TDRD12: variants seen among roughly 807,000 people sequenced by gnomAD.
TDRD12 encodes the protein putative ATP-dependent RNA helicase TDRD12.
A neutral mutation model predicts 133.5 loss-of-function variants in TDRD12; 158 were observed. That is an observed-to-expected ratio of 1.18 (90% CI 1.04 to 1.35). TDRD12 has a LOEUF of 1.35. Among genes scored for constraint, TDRD12 ranks in the 40% most tolerant of loss-of-function variants. TDRD12 has a pLI of 0.00. For missense variants in TDRD12, 1,443 were observed against 1,321.3 expected, an observed-to-expected ratio of 1.09 and a Z score of -1.43; for synonymous variants, 460 against 477.9, an observed-to-expected ratio of 0.96 and a Z score of 0.49.
exon 23 of TDRD12, chr19:32,810,196 T>C (rs1244249188): frequency 6.5e-7 from 1 of 1,535,984 alleles, no homozygotes; most frequent in Non-Finnish European, 8.7e-7. Context: ...AATGAGTATT[T>C]TAAGGATTCT....
intron 3 of TDRD12, 26 bp downstream of exon 3, chr19:32,739,018 C>A (rs915921089): frequency 6.5e-7 from 1 of 1,548,944 alleles, no homozygotes; most frequent in East Asian, 2.4e-5. Flanking sequence ...TCTCACCTTA[C>A]GCTCTTTTCA....
chr19:32,756,681 C>T (rs541282282), intron 7 of TDRD12, among the ~76,000 whole-genome samples: 4 of 152,218 alleles, frequency 2.6e-5, no homozygotes, highest in East Asian at 1.9e-4. Flanking sequence ...ACACCGCGCC[C>T]GGCCTCAATT....
chr19:32,768,396 T>C (rs902939759), intron 8 of TDRD12, among the ~76,000 whole-genome samples: 16 of 151,586 alleles, frequency 1.1e-4, no homozygotes, highest in African/African-American at 3.6e-4. Flanking sequence ...TTTTTTTTTT[T>C]TTTTCTTTTC....
At chr19:32,776,307 T>C (rs1486111648) in intron 10 of TDRD12, among the ~76,000 whole-genome samples, 1 of 152,200 alleles carries the variant, frequency 6.6e-6, no homozygotes, top group Non-Finnish European at 1.5e-5. Context: ...GGACCACAGC[T>C]CCCATCTCCC....
chr19:32,742,064 A>G (rs925868312), intron 3 of TDRD12, among the ~76,000 whole-genome samples: 9 of 152,066 alleles, frequency 5.9e-5, no homozygotes, highest in African/African-American at 1.9e-4. Context: ...TTGGTCATAT[A>G]TTGAGATTGA....
intron 2 of TDRD12, among the ~76,000 whole-genome samples, chr19:32,737,915 C>T (rs1969274384): frequency 6.6e-6 from 1 of 151,970 alleles, no homozygotes; most frequent in East Asian, 1.9e-4. Context: ...GGTGGATCAC[C>T]TGAGGTCAGG....
At chr19:32,821,439 T>C (rs1967392694), downstream of TDRD12, among the ~76,000 whole-genome samples, 1 of 151,282 alleles carries the variant, frequency 6.6e-6, no homozygotes, top group South Asian at 2.1e-4. Context: ...ATCGAGCTGT[T>C]GAACATTTCC....
intron 11 of TDRD12, among the ~76,000 whole-genome samples, chr19:32,779,549 A>G (rs887830234): frequency 6.6e-6 from 1 of 152,018 alleles, no homozygotes; most frequent in African/African-American, 2.4e-5. Context: ...GCCCACACCC[A>G]GGTTTAAGGG....
chr19:32,821,755 A>AT (rs1967404678), downstream of TDRD12, among the ~76,000 whole-genome samples: 1 of 152,122 alleles, frequency 6.6e-6, no homozygotes, highest in East Asian at 1.9e-4. Context: ...AAGTGGAGGC[A>AT]TTTTTTCTTA....
At chr19:32,780,257 T>C (rs555939835) in intron 11 of TDRD12, among the ~76,000 whole-genome samples, 44 of 152,162 alleles carry the variant, frequency 2.9e-4, no homozygotes, top group Non-Finnish European at 5.4e-4. Flanking sequence ...CTAACTTTTT[T>C]GTATTTTTAA....
At chr19:32,810,897 AAAAC>A (rs897085630) in intron 23 of TDRD12, among the ~76,000 whole-genome samples, 5 of 152,248 alleles carry the variant, frequency 3.3e-5, no homozygotes, top group East Asian at 1.9e-4. Context: ...GTCTCTACAA[AAAAC>A]AAACAAACAA....
chr19:32,814,238 G>A (rs1486661803), intron 25 of TDRD12, among the ~76,000 whole-genome samples: 1 of 152,064 alleles, frequency 6.6e-6, no homozygotes, highest in Non-Finnish European at 1.5e-5. Context: ...AAAGGGGGAG[G>A]GGAGGACACA....
At chr19:32,769,556 G>A (rs1970387035) in intron 8 of TDRD12, among the ~76,000 whole-genome samples, 2 of 152,088 alleles carry the variant, frequency 1.3e-5, no homozygotes, top group Admixed American at 1.3e-4. Flanking sequence ...GTGAGAAATA[G>A]TATCTTAGAT....
chr19:32,749,472 G>A (rs1455284281), intron 5 of TDRD12, among the ~76,000 whole-genome samples: 1 of 152,156 alleles, frequency 6.6e-6, no homozygotes, highest in Admixed American at 6.6e-5. Flanking sequence ...GTAGCCGGGT[G>A]CTGCACTCCG....
intron 8 of TDRD12, among the ~76,000 whole-genome samples, chr19:32,757,873 C>T (rs890053121): frequency 1.3e-5 from 2 of 152,178 alleles, no homozygotes; most frequent in Non-Finnish European, 2.9e-5. Context: ...TACATTAAAG[C>T]TTTAGCCAAC....
At chr19:32,762,469 T>C (rs191080744) in intron 8 of TDRD12, among the ~76,000 whole-genome samples, 68 of 152,292 alleles carry the variant, frequency 4.5e-4, no homozygotes, top group Middle Eastern at 3.4e-3. Flanking sequence ...ATCTTACATA[T>C]TGTTTTGAAA....
At chr19:32,730,041 C>T (rs1035337895) in intron 1 of TDRD12, among the ~76,000 whole-genome samples, 12 of 151,994 alleles carry the variant, frequency 7.9e-5, no homozygotes, top group Admixed American at 1.3e-4. Flanking sequence ...CCGCCCACCT[C>T]GGCCTCCCAA....
intron 8 of TDRD12, among the ~76,000 whole-genome samples, chr19:32,761,563 G>A (rs567738270): frequency 6.6e-6 from 1 of 152,202 alleles, no homozygotes; most frequent in African/African-American, 2.4e-5. Flanking sequence ...TCTAATAGGG[G>A]TGTAGTGGAA....
intron 3 of TDRD12, among the ~76,000 whole-genome samples, chr19:32,742,574 C>T (rs1269681730): frequency 2.0e-5 from 3 of 152,016 alleles, no homozygotes; most frequent in East Asian, 1.9e-4. Flanking sequence ...CAAAAGAGTA[C>T]GATTTTTTTT....
Sources: gnomAD v4.1 joint callset for allele counts (sites outside exome capture counted in the v4.1 genomes callset) on GRCh38, gnomAD v4.1.1 for gene constraint, MANE v1.5 for transcripts, NCBI Gene and HGNC (gene_info 2026-07-23, HGNC 2026-07-21) for gene names.